Variants in TOP3A observed in about 807,000 individuals in gnomAD.
TOP3A encodes DNA topoisomerase 3-alpha.
A neutral mutation model predicts 111.3 loss-of-function variants in TOP3A; 64 were observed. The observed-to-expected ratio is 0.57, with a 90% CI of 0.47 to 0.71. TOP3A has a LOEUF of 0.71. Among genes scored for constraint, TOP3A ranks in the 30% least tolerant of loss-of-function variants. TOP3A has a pLI of 0.00. For missense variants in TOP3A, 1,104 were observed against 1,285.0 expected (o/e 0.86, Z 2.15); for synonymous variants, 484 against 485.1 (o/e 1.00, Z 0.03).
rs1982162589 is a variant in TOP3A at position 18,314,879 on chromosome 17, TC to T, written c.-102del. 1 of 689,856 alleles carries T rather than the reference TC, an allele frequency of 1.4e-6. No individual in the cohort carries two copies. The highest frequency in any genetic ancestry group is 2.2e-6 in the Non-Finnish European group (1 of 462,824). The allele number at this position is 689,856 out of a possible 1,614,324, so 42.7% of individuals were successfully genotyped here. A position where few individuals can be genotyped will look rare whatever the true frequency, so the allele number is the denominator to read the frequency against. ...CGCCCACCGAAAGGGAACCAGAGCC[TC>T]GCTTCGGTCACGTCCCCACCAGCCT... On this transcript the variant is annotated 5_prime_UTR_variant, in exon 1 of 19. Coordinates refer to ENST00000321105, the MANE Select transcript of TOP3A (RefSeq NM_004618.5).
At chr17:18,306,812 A>C in intron 4 of TOP3A, 79 bp downstream of exon 4, 1 of 930,420 alleles carries the variant, frequency 1.1e-6, no homozygotes, top group Non-Finnish European at 1.7e-6. Flanking sequence ...TCCAAATGCC[A>C]ATGCATTAAA....
chr17:18,294,676 T>C (rs1473510373), intron 10 of TOP3A, 27 bp downstream of exon 10: 2 of 1,546,876 alleles, frequency 1.3e-6, no homozygotes, highest in Non-Finnish European at 1.8e-6. Context: ...ACGGTTCAAA[T>C]TCTACTCCCA....
At chr17:18,275,803 C>T (rs1448099119) in intron 18 of TOP3A, among the ~76,000 whole-genome samples, 1 of 151,358 alleles carries the variant, frequency 6.6e-6, no homozygotes, top group Non-Finnish European at 1.5e-5. Context: ...CTACAGGGAC[C>T]GACCACCATG....
In TOP3A at chr17:18,278,272, G is replaced by A. The variant is rs750184064; in HGVS notation, c.2230C>T (p.Leu744=). 114 of 1,540,026 alleles carry A rather than the reference G, an allele frequency of 7.4e-5. No homozygotes were observed. In the East Asian group the frequency reaches 2.6e-3, roughly 35 times the overall value. The change falls in exon 18 of 19, where the codon CTG becomes TTG. Residue 744 remains leucine (L), a synonymous_variant. Coordinates refer to ENST00000321105, the MANE Select transcript of TOP3A (RefSeq NM_004618.5). Reference sequence around the variant, plus strand: ...AATCTCAGGTCCAGGATCTCCCTCAGGGTGTCGTCGCATCCGCCGATGCAG... The same window carrying A: ...AATCTCAGGTCCAGGATCTCCCTCAAGGTGTCGTCGCATCCGCCGATGCAG... The part of the protein sequence containing the change: ...VCCIGGCDDT[L]REILDLRFSG...
chr17:18,300,423 T>C (rs887984863), intron 8 of TOP3A, among the ~76,000 whole-genome samples: 4 of 151,420 alleles, frequency 2.6e-5, no homozygotes, highest in Non-Finnish European at 5.9e-5. Flanking sequence ...ATAGGAGAAA[T>C]TGTACAAGTT....
rs78953950 is a variant in TOP3A, at chr17:18,291,124, G to A, written c.1282-97C>T. On this transcript the variant is annotated intron_variant, in intron 11 of 18. Transcript: ENST00000321105. ...CCTTAGCCTAATGTCCTGCACAGAA[G>A]AGGCCACACTGCTCCTCAGGCCCTG... 3.2e-3 allele frequency: 3,938 copies of A among 1,240,068 alleles called. 34 individuals carry two copies. In the Middle Eastern group the frequency reaches 0.036, roughly 11 times the overall value. 76.8% of individuals were successfully genotyped at this position (1,240,068 alleles called of 1,614,324 possible). A position where few individuals can be genotyped will look rare whatever the true frequency, so the allele number is the denominator to read the frequency against.
intron 10 of TOP3A, among the ~76,000 whole-genome samples, chr17:18,293,100 A>G (rs78156322): frequency 4.9e-4 from 74 of 152,344 alleles, no homozygotes; most frequent in African/African-American, 1.7e-3. Flanking sequence ...CACAGGAAAA[A>G]GGCCAGCAGC....
At chr17:18,286,790 G>T (rs1980132692) in intron 13 of TOP3A, among the ~76,000 whole-genome samples, 1 of 152,118 alleles carries the variant, frequency 6.6e-6, no homozygotes, top group African/African-American at 2.4e-5. Context: ...ACAAAACCTT[G>T]TACAAAACTG....
intron 7 of TOP3A, 37 bp from the exon 8 acceptor site, chr17:18,302,022 C>G (rs1490165103): frequency 1.3e-6 from 2 of 1,583,164 alleles, no homozygotes; most frequent in Non-Finnish European, 1.7e-6. Flanking sequence ...GGCTGTGTCT[C>G]AGAGACATGT....
chr17:18,292,620 A>G lies in TOP3A; in HGVS notation c.1281+25T>C, dbSNP rs558755576. 5.9e-6 allele frequency: 9 copies of G among 1,525,412 alleles called. No individual in the cohort carries two copies. In the African/African-American group the frequency reaches 8.3e-5, roughly 14 times the overall value. 94.5% of individuals were successfully genotyped at this position (1,525,412 alleles called of 1,614,324 possible). On this transcript the variant is annotated intron_variant, in intron 11 of 18. Coordinates refer to ENST00000321105, the MANE Select transcript of TOP3A (RefSeq NM_004618.5). ...CCAGCACTTCCCTATGGGTTCCAGC[A>G]GGCAGTACATTCAGGGAAACCAACC... is the stretch of plus-strand genomic sequence containing the variant.
At chr17:18,283,199 G>A (rs564178206) in intron 15 of TOP3A, among the ~76,000 whole-genome samples, 27 of 152,192 alleles carry the variant, frequency 1.8e-4, no homozygotes, top group African/African-American at 5.5e-4. Context: ...GTGAAACCCC[G>A]TCTCTACTAA....
At chr17:18,279,812 G>A (rs531995110) in intron 17 of TOP3A, among the ~76,000 whole-genome samples, 1 of 152,306 alleles carries the variant, frequency 6.6e-6, no homozygotes, top group Admixed American at 6.5e-5. Flanking sequence ...TCAGCCTCCT[G>A]ACCAGCTTGG....
chr17:18,289,645 G>C (rs926162006), intron 13 of TOP3A, among the ~76,000 whole-genome samples: 2 of 152,058 alleles, frequency 1.3e-5, no homozygotes, highest in African/African-American at 4.8e-5. Context: ...CACCCATCTT[G>C]GCCTCCCAAA....
intron 1 of TOP3A, 144 bp downstream of exon 1, chr17:18,314,455 C>G: frequency 1.2e-6 from 1 of 833,896 alleles, no homozygotes; most frequent in Non-Finnish European, 1.8e-6. Context: ...AGACAGGAGG[C>G]CACTGCAATA....
chr17:18,308,814 C>A, intron 2 of TOP3A, 68 bp downstream of exon 2: 1 of 1,033,888 alleles, frequency 9.7e-7, no homozygotes, highest in Non-Finnish European at 1.4e-6. Context: ...ACATATTCTA[C>A]ATATGACGAG....
Position 18,271,976 on chromosome 17 carries a change from G to GA in TOP3A, c.*2825dup, listed in dbSNP as rs1158049572. On this transcript the variant is annotated 3_prime_UTR_variant, in exon 19 of 19. Coordinates refer to ENST00000321105, the MANE Select transcript of TOP3A (RefSeq NM_004618.5). ...AGCTACTTGGGAGGCTGAGGCAGGAGAACTGCTTGAACCCAGGAGGCAGAG... is the reference window on the plus strand; with the variant it reads ...AGCTACTTGGGAGGCTGAGGCAGGAGAAACTGCTTGAACCCAGGAGGCAGAG... The GA allele has an allele frequency of 3.7e-6, 1 of 271,372 alleles. No homozygotes were observed. The highest frequency in any genetic ancestry group is 1.6e-4 in the East Asian group (1 of 6,076). 16.8% of individuals were successfully genotyped at this position (271,372 alleles called of 1,614,324 possible).
intron 4 of TOP3A, 111 bp downstream of exon 4, chr17:18,306,780 G>C (rs755523912): frequency 2.7e-5 from 20 of 748,168 alleles, no homozygotes; most frequent in Non-Finnish European, 3.6e-5. Context: ...TCATGGTAGT[G>C]ACTTTGGTGG....
Position 18,314,908 on chromosome 17 carries a change from T to C in TOP3A, c.-130A>G. ...TTCGGTCACGTCCCCACCAGCCTGC[T>C]GGCCTTTGGAGCTTCAGTCACTGAG... On this transcript the variant is annotated 5_prime_UTR_variant, in exon 1 of 19. Transcript: ENST00000321105. 1 of 370,678 alleles carries C rather than the reference T, an allele frequency of 2.7e-6. No homozygotes were observed. The highest frequency in any genetic ancestry group is 4.0e-5 in the South Asian group (1 of 25,114). The allele number at this position is 370,678 out of a possible 1,614,324, so 23.0% of individuals were successfully genotyped here. A position where few individuals can be genotyped will look rare whatever the true frequency, so the allele number is the denominator to read the frequency against.
At position 18,290,963 on chromosome 17, in the gene TOP3A, G is replaced by A; in HGVS notation, c.1346C>T (p.Ala449Val). The change falls in exon 12 of 19, where the codon GCT (alanine) becomes GTT (valine). Residue 449 changes from alanine to valine, a missense_variant. Physicochemically the swap from Ala to Val is moderately conservative, Grantham distance 64. Coordinates refer to ENST00000321105, the MANE Select transcript of TOP3A (RefSeq NM_004618.5). ...RHFLACCSQD[A>V]QGQETTVEID... ...CTCCACTGTGGTCTCCTGCCCCTGA[G>A]CATCCTGGGAGCAGCAAGCCAGGAA... 6.2e-7 allele frequency: 1 copy of A among 1,614,216 alleles called. No homozygotes were observed.
Sources: gnomAD v4.1 joint callset for allele counts (sites outside exome capture counted in the v4.1 genomes callset) on GRCh38, gnomAD v4.1.1 for gene constraint, MANE v1.5 for transcripts, NCBI Gene and HGNC (gene_info 2026-07-23, HGNC 2026-07-21) for gene names.